The following GRIK2 variants were observed in gnomAD, a reference collection of about 807,000 sequenced individuals.
GRIK2 encodes glutamate receptor ionotropic, kainate 2.
In GRIK2, 32 loss-of-function variants were observed where a neutral mutation model predicts 100.3. The observed-to-expected ratio is 0.32, with a 90% confidence interval of 0.24 to 0.43. GRIK2 has a LOEUF of 0.43. Ranked by LOEUF, GRIK2 falls within the 20% of genes least tolerant of loss-of-function variation. The pLI is 1.00. For missense variants in GRIK2, 843 were observed against 1,114.9 expected (o/e 0.76, Z 3.47); for synonymous variants, 417 against 389.4 (o/e 1.07, Z -0.83).
rs183182425 is a variant in GRIK2, at chr6:101,398,096, G to T, written c.-293-889G>T. Among the ~76,000 whole-genome samples, 560 of 152,170 alleles carry T rather than the reference G, an allele frequency of 3.7e-3. 6 individuals are homozygous for T. The highest frequency in any genetic ancestry group is 0.013 in the African/African-American group (549 of 41,526). On this transcript the variant is annotated intron_variant, in intron 1 of 16. Transcript: ENST00000369134. ...TATTCCTACCAGAAAACTAGCAAAT[G>T]ATAAGACAGTTTTAGAGGAATCTGT...
intron 7 of GRIK2, among the ~76,000 whole-genome samples, chr6:101,787,478 GTGTGTTT>G (rs1455228743): frequency 6.6e-6 from 1 of 151,876 alleles, no homozygotes; most frequent in East Asian, 1.9e-4. Context: ...CCTGTATCCG[GTGTGTTT>G]TGATGTGTTG....
chr6:101,829,077 C>T (rs1782513586), intron 10 of GRIK2, among the ~76,000 whole-genome samples: 2 of 151,954 alleles, frequency 1.3e-5, no homozygotes, highest in African/African-American at 4.8e-5. Context: ...ATCAAGTAGG[C>T]TTTATTCCTG....
At chr6:101,465,937 T>C (rs1356345411) in intron 2 of GRIK2, among the ~76,000 whole-genome samples, 2 of 152,166 alleles carry the variant, frequency 1.3e-5, no homozygotes, top group Non-Finnish European at 2.9e-5. Context: ...GGAGGCAATG[T>C]CTAAAAGCAT....
intron 4 of GRIK2, among the ~76,000 whole-genome samples, chr6:101,635,787 A>G (rs1408500498): frequency 6.6e-6 from 1 of 152,216 alleles, no homozygotes. Flanking sequence ...AATGCAAATC[A>G]AAACCACAAT....
intron 14 of GRIK2, among the ~76,000 whole-genome samples, chr6:101,992,971 T>C (rs1329536124): frequency 6.6e-6 from 1 of 151,576 alleles, no homozygotes; most frequent in Admixed American, 6.6e-5. Context: ...GCACATATAA[T>C]TGTAAAGATG....
At chr6:101,846,886 A>G (rs139249541) in intron 10 of GRIK2, among the ~76,000 whole-genome samples, 1,585 of 150,898 alleles carry the variant, frequency 0.011, 16 homozygotes, top group Non-Finnish European at 0.017. Flanking sequence ...TTTTGCTATT[A>G]CTTTTTTCTT....
At chr6:102,061,590 G>A (rs1161753902) in intron 16 of GRIK2, among the ~76,000 whole-genome samples, 1 of 150,396 alleles carries the variant, frequency 6.6e-6, no homozygotes, top group Non-Finnish European at 1.5e-5. Context: ...TAGTAAGCAT[G>A]AGTTATGGAA....
chr6:101,561,075 C>G (rs1339443923), intron 2 of GRIK2, among the ~76,000 whole-genome samples: 2 of 152,152 alleles, frequency 1.3e-5, no homozygotes, highest in African/African-American at 4.8e-5. Context: ...TAGACCCCAG[C>G]AGCAGATTTT....
At chr6:101,642,857 A>G (rs1234493483) in intron 4 of GRIK2, among the ~76,000 whole-genome samples, 4 of 151,660 alleles carry the variant, frequency 2.6e-5, no homozygotes, top group Non-Finnish European at 5.9e-5. Flanking sequence ...CCAACAGTGC[A>G]CAAGAGTTCT....
chr6:101,783,836 A>T (rs1258871058), intron 7 of GRIK2, among the ~76,000 whole-genome samples: 2 of 152,166 alleles, frequency 1.3e-5, no homozygotes, highest in East Asian at 3.9e-4. Flanking sequence ...TGAACTTGAG[A>T]TAGATTATTT....
chr6:101,672,125 T>C (rs1770485764), intron 4 of GRIK2, among the ~76,000 whole-genome samples: 1 of 152,154 alleles, frequency 6.6e-6, no homozygotes, highest in Non-Finnish European at 1.5e-5. Flanking sequence ...GAAGGTGATT[T>C]TGAGTGGCGG....
intron 2 of GRIK2, among the ~76,000 whole-genome samples, chr6:101,562,988 T>C (rs1562228214): frequency 6.6e-6 from 1 of 152,210 alleles, no homozygotes; most frequent in Non-Finnish European, 1.5e-5. Flanking sequence ...GCAATGGGGC[T>C]GTACCTTCTC....
intron 16 of GRIK2, among the ~76,000 whole-genome samples, chr6:102,057,971 A>G (rs1168488463): frequency 6.6e-6 from 1 of 151,774 alleles, no homozygotes; most frequent in African/African-American, 2.4e-5. Context: ...GTTTCTAAGA[A>G]GTGGAAGTAG....
chr6:102,054,792 TTC>T (rs1771385799), intron 15 of GRIK2, among the ~76,000 whole-genome samples: 1 of 152,140 alleles, frequency 6.6e-6, no homozygotes, highest in African/African-American at 2.4e-5. Context: ...AACCTGTGAC[TTC>T]TGTTATGCAC....
At chr6:101,447,361 C>G (rs796220345) in intron 2 of GRIK2, among the ~76,000 whole-genome samples, 21 of 151,716 alleles carry the variant, frequency 1.4e-4, no homozygotes, top group African/African-American at 5.1e-4. Flanking sequence ...CCCAGTAATT[C>G]TAAGTCTACA....
intron 2 of GRIK2, among the ~76,000 whole-genome samples, chr6:101,525,294 T>A (rs1008623856): frequency 6.6e-6 from 1 of 152,222 alleles, no homozygotes; most frequent in African/African-American, 2.4e-5. Context: ...GAGGGATCTA[T>A]ATTATCAGTA....
intron 16 of GRIK2, among the ~76,000 whole-genome samples, chr6:102,057,086 T>G (rs1279825361): frequency 6.6e-6 from 1 of 152,006 alleles, no homozygotes; most frequent in Non-Finnish European, 1.5e-5. Context: ...AAAGAAGAAA[T>G]ATTAACTCAT....
At chr6:101,786,215 G>A (rs1779413177) in intron 7 of GRIK2, among the ~76,000 whole-genome samples, 1 of 150,924 alleles carries the variant, frequency 6.6e-6, no homozygotes, top group African/African-American at 2.4e-5. Flanking sequence ...GAGTCTTTAG[G>A]TTTTTTAAAA....
chr6:102,043,809 G>A (rs897942448), intron 15 of GRIK2, among the ~76,000 whole-genome samples: 1 of 66,840 alleles, frequency 1.5e-5, no homozygotes, highest in African/African-American at 4.2e-5. Flanking sequence ...CATGATGGTT[G>A]CACTAATTCA....
Sources: allele counts gnomAD v4.1 joint callset (sites outside exome capture counted in the v4.1 genomes callset), GRCh38; gene constraint gnomAD v4.1.1; transcripts MANE v1.5; gene names NCBI Gene and HGNC (gene_info 2026-07-23, HGNC 2026-07-21).